The following STK33 variants were observed in gnomAD, a reference collection of about 807,000 sequenced individuals.
STK33 encodes the protein serine/threonine-protein kinase 33.
Under a neutral mutation model 58.0 loss-of-function variants are expected in STK33, and 52 were observed. The ratio of observed to expected loss-of-function variants is 0.90; its 90% CI spans 0.72 to 1.13. The LOEUF is 1.13. Among genes scored for constraint, STK33 ranks in the 50% most tolerant of loss-of-function variants. The pLI is 0.00. For missense variants in STK33, 630 were observed against 604.2 expected (o/e 1.04, Z -0.45); for synonymous variants, 215 against 200.1 (o/e 1.07, Z -0.63).
chr11:8,351,912 C>T, the STK33 span, among the ~76,000 whole-genome samples: 1 of 152,356 alleles, frequency 6.6e-6, no homozygotes, highest in East Asian at 1.9e-4. Context: ...TTCAGCCCCG[C>T]TGGAAAATGA....
At chr11:8,527,778 C>CT (rs1954179931) in intron 1 of STK33, among the ~76,000 whole-genome samples, 1 of 152,162 alleles carries the variant, frequency 6.6e-6, no homozygotes, top group Admixed American at 6.5e-5. Flanking sequence ...ATAGCAATGA[C>CT]TATATGAGTA....
intron 1 of STK33, among the ~76,000 whole-genome samples, chr11:8,570,784 A>G (rs922131431): frequency 2.6e-5 from 4 of 152,182 alleles, no homozygotes; most frequent in Non-Finnish European, 4.4e-5. Context: ...CACTATCTTC[A>G]TTGTCTGGCA....
chr11:8,357,291 A>G, the STK33 span, among the ~76,000 whole-genome samples: 4 of 152,340 alleles, frequency 2.6e-5, no homozygotes, highest in South Asian at 2.1e-4. Context: ...GGCCCCCGCA[A>G]TGAGTGTTTG....
At position 8,418,419 on chromosome 11, in the gene STK33, C is replaced by T. The variant is rs1177237928; in HGVS notation, c.1147-4727G>A. ...GCCATGTTCCCGCAAAAGACATGAT[C>T]TTATTCTTTTTTATGGCTGCATAGA... is the stretch of plus-strand genomic sequence containing the variant. On this transcript the variant is annotated intron_variant, in intron 14 of 15. Transcript: ENST00000687296. Among the ~76,000 whole-genome samples, 3 of 152,136 alleles carry T rather than the reference C, an allele frequency of 2.0e-5. No individual in the cohort carries two copies. The East Asian group carries it at 5.8e-4, about 29-fold the overall frequency.
At chr11:8,412,625 C>T (rs1008283839) in intron 15 of STK33, among the ~76,000 whole-genome samples, 3 of 152,206 alleles carry the variant, frequency 2.0e-5, no homozygotes, top group Non-Finnish European at 2.9e-5. Context: ...CTGCCTAATT[C>T]TGATTTCTAG....
At chr11:8,570,565 A>G (rs997436832) in intron 1 of STK33, among the ~76,000 whole-genome samples, 5 of 152,210 alleles carry the variant, frequency 3.3e-5, no homozygotes, top group African/African-American at 1.2e-4. Context: ...TACCCACACA[A>G]TGCAACACCA....
At chr11:8,488,676 G>C (rs1449115810) in intron 1 of STK33, among the ~76,000 whole-genome samples, 1 of 151,706 alleles carries the variant, frequency 6.6e-6, no homozygotes, top group Admixed American at 6.6e-5. Context: ...CTTCAGACAA[G>C]TAGTTCAGAA....
At chr11:8,587,513 C>CAAGAA (rs2031888899) in intron 1 of STK33, among the ~76,000 whole-genome samples, 1 of 151,322 alleles carries the variant, frequency 6.6e-6, no homozygotes, top group African/African-American at 2.4e-5. Flanking sequence ...CATTCCACTC[C>CAAGAA]AAGAAAAGGA....
chr11:8,357,389 G>A, the STK33 span, among the ~76,000 whole-genome samples: 1 of 152,250 alleles, frequency 6.6e-6, no homozygotes, highest in Admixed American at 6.5e-5. Flanking sequence ...TGGGGCTGGA[G>A]CTGGTCGCAG....
chr11:8,578,819 A>G (rs1178336072), intron 1 of STK33, among the ~76,000 whole-genome samples: 1 of 152,028 alleles, frequency 6.6e-6, no homozygotes, highest in African/African-American at 2.4e-5. Context: ...CAGAGGCTCT[A>G]TTGGATAAGA....
chr11:8,486,672 A>T (rs1220239708), intron 1 of STK33, among the ~76,000 whole-genome samples: 1 of 152,230 alleles, frequency 6.6e-6, no homozygotes, highest in Non-Finnish European at 1.5e-5. Flanking sequence ...AGAGAATGAC[A>T]TAATAAGATG....
At chr11:8,441,248 A>G (rs1018347475) in intron 11 of STK33, among the ~76,000 whole-genome samples, 4 of 152,192 alleles carry the variant, frequency 2.6e-5, no homozygotes, top group Admixed American at 2.6e-4. Flanking sequence ...CTGCATTTTC[A>G]AATAAGAAAG....
chr11:8,584,878 T>C (rs2031203875), intron 1 of STK33, among the ~76,000 whole-genome samples: 1 of 151,344 alleles, frequency 6.6e-6, no homozygotes, highest in East Asian at 1.9e-4. Flanking sequence ...AATCCCAAAA[T>C]AGCAGATTCT....
In STK33 at chr11:8,546,501, A is replaced by G. The variant is rs555380544; in HGVS notation, c.-466+47582T>C. On this transcript the variant is annotated intron_variant, in intron 1 of 15. Transcript: ENST00000687296. ...AATATAAAATAAATTACTGTTAACT[A>G]CAGTCACCCTACTGTGCTATCAAAC... Among the ~76,000 whole-genome samples the G allele has an allele frequency of 6.6e-5, 10 of 152,308 alleles. No homozygotes were observed. In the East Asian group the frequency reaches 1.9e-3, roughly 29 times the overall value.
chr11:8,368,787 G>A, the STK33 span, among the ~76,000 whole-genome samples: 61 of 152,190 alleles, frequency 4.0e-4, 2 homozygotes, highest in South Asian at 6.8e-3. Flanking sequence ...ATAACTTACC[G>A]CATTTCCCCC....
chr11:8,574,141 G>C (rs942958048), intron 1 of STK33, among the ~76,000 whole-genome samples: 2 of 152,192 alleles, frequency 1.3e-5, no homozygotes, highest in Non-Finnish European at 2.9e-5. Context: ...TGGACACTTA[G>C]AGATGGAGCT....
intron 11 of STK33, among the ~76,000 whole-genome samples, chr11:8,443,276 T>C (rs1160223260): frequency 1.3e-5 from 2 of 152,172 alleles, no homozygotes; most frequent in Non-Finnish European, 2.9e-5. Context: ...CACACAGAAA[T>C]TTTTATGCTC....
At chr11:8,362,154 C>A in the STK33 span, among the ~76,000 whole-genome samples, 1 of 152,148 alleles carries the variant, frequency 6.6e-6, no homozygotes, top group Non-Finnish European at 1.5e-5. Flanking sequence ...CGGGGCCCAG[C>A]GACTGAGGGG....
intron 15 of STK33, among the ~76,000 whole-genome samples, chr11:8,399,381 G>T (rs1849972375): frequency 6.6e-6 from 1 of 152,084 alleles, no homozygotes; most frequent in Non-Finnish European, 1.5e-5. Flanking sequence ...GGTACATAAC[G>T]AAATGAAGGC....
Sources: allele counts gnomAD v4.1 joint callset (sites outside exome capture counted in the v4.1 genomes callset), GRCh38; gene constraint gnomAD v4.1.1; transcripts MANE v1.5; gene names NCBI Gene and HGNC (gene_info 2026-07-23, HGNC 2026-07-21).